Variants in STARD13 observed in about 807,000 individuals in gnomAD.
STARD13 encodes the protein stAR-related lipid transfer protein 13.
In STARD13, 62 loss-of-function variants were observed where a neutral mutation model predicts 106.4. The ratio of observed to expected loss-of-function variants is 0.58; its 90% CI spans 0.48 to 0.72. STARD13 has a LOEUF of 0.72. Among genes scored for constraint, STARD13 ranks in the 30% least tolerant of loss-of-function variants. The probability of loss-of-function intolerance (pLI) is 0.00; values close to 1 mark genes in which losing one functional copy is unlikely to be tolerated. For synonymous variants in STARD13, 565 were observed against 553.0 expected (o/e 1.02, Z -0.31); for missense variants, 1,387 against 1,424.0 (o/e 0.97, Z 0.42).
At chr13:33,540,181 T>C in the STARD13 span, among the ~76,000 whole-genome samples, 1 of 152,180 alleles carries the variant, frequency 6.6e-6, no homozygotes, top group Non-Finnish European at 1.5e-5. Context: ...ACCCTAAATA[T>C]ATTATGCACG....
At chr13:33,150,795 C>A (rs1881172426) in intron 3 of STARD13, among the ~76,000 whole-genome samples, 1 of 152,168 alleles carries the variant, frequency 6.6e-6, no homozygotes, top group Non-Finnish European at 1.5e-5. Flanking sequence ...TTGAGAAGGG[C>A]TAATACGCTA....
the STARD13 span, among the ~76,000 whole-genome samples, chr13:33,646,451 A>C: frequency 6.6e-6 from 1 of 152,092 alleles, no homozygotes; most frequent in African/African-American, 2.4e-5. Context: ...GAATACAAGG[A>C]CTCTGGGAAG....
rs747907853 is a variant in STARD13, at chr13:33,118,229, C to T, written c.2117G>A (p.Arg706Gln). Residue 706 changes from arginine (R) to glutamine (Q), a missense_variant, in exon 8 of 14, where the codon CGA (arginine) becomes CAA (glutamine). Arg to Gln is a conservative substitution (Grantham distance 43, BLOSUM62 1). Coordinates refer to ENST00000336934, the MANE Select transcript of STARD13 (RefSeq NM_178006.4). ...GLFRKSGVKSRIHALRQMNEN... is the reference protein window; with the variant it reads ...GLFRKSGVKSQIHALRQMNEN... ...ATTCATTTGGCGAAGGGCATGGATTCGAGACTTCACTCCTGATTTGCGAAA... is the reference window on the plus strand; with the variant it reads ...ATTCATTTGGCGAAGGGCATGGATTTGAGACTTCACTCCTGATTTGCGAAA... 1.7e-5 allele frequency: 27 copies of T among 1,614,096 alleles called. No individual in the cohort carries two copies. The highest frequency in any genetic ancestry group is 4.4e-5 in the South Asian group (4 of 91,070).
At chr13:33,629,642 T>C in the STARD13 span, among the ~76,000 whole-genome samples, 2 of 152,258 alleles carry the variant, frequency 1.3e-5, no homozygotes. Flanking sequence ...GTGAGAATTA[T>C]GTATGAGACT....
At chr13:33,187,699 T>C (rs1885899091) in intron 1 of STARD13, among the ~76,000 whole-genome samples, 1 of 152,312 alleles carries the variant, frequency 6.6e-6, no homozygotes, top group Admixed American at 6.5e-5. Context: ...TTTATTTTGT[T>C]TGTGAGATGG....
At chr13:33,562,281 G>A in the STARD13 span, among the ~76,000 whole-genome samples, 7 of 146,114 alleles carry the variant, frequency 4.8e-5, no homozygotes, top group Admixed American at 7.0e-5. Flanking sequence ...CTTTATGGCC[G>A]TGTCCTCAAA....
At chr13:33,468,650 C>G in the STARD13 span, among the ~76,000 whole-genome samples, 1 of 150,764 alleles carries the variant, frequency 6.6e-6, no homozygotes, top group Non-Finnish European at 1.5e-5. Flanking sequence ...CAAGAAGACT[C>G]TCACCAGATG....
At chr13:33,552,865 T>TA in the STARD13 span, among the ~76,000 whole-genome samples, 1 of 152,278 alleles carries the variant, frequency 6.6e-6, no homozygotes, top group East Asian at 1.9e-4. Flanking sequence ...TTTTCTGACT[T>TA]AAAATCATTC....
At chr13:33,647,651 T>C in the STARD13 span, among the ~76,000 whole-genome samples, 5 of 152,330 alleles carry the variant, frequency 3.3e-5, no homozygotes, top group Non-Finnish European at 7.3e-5. Flanking sequence ...GTTTGACATA[T>C]CTAGGTTGTT....
At chr13:33,412,024 C>G in the STARD13 span, among the ~76,000 whole-genome samples, 1 of 152,070 alleles carries the variant, frequency 6.6e-6, no homozygotes, top group African/African-American at 2.4e-5. Context: ...ATCATGTTAA[C>G]CAAAAATATG....
chr13:33,167,349 G>A (rs1476992883), intron 2 of STARD13, among the ~76,000 whole-genome samples: 1 of 152,170 alleles, frequency 6.6e-6, no homozygotes. Context: ...GAAGCAGAAA[G>A]TAAAGTGGGC....
the STARD13 span, among the ~76,000 whole-genome samples, chr13:33,411,010 T>A: frequency 1.3e-5 from 2 of 152,264 alleles, no homozygotes; most frequent in Non-Finnish European, 2.9e-5. Context: ...TTAAAGCAGT[T>A]TTTAAAAGAA....
At chr13:33,512,666 G>A in the STARD13 span, among the ~76,000 whole-genome samples, 2 of 151,886 alleles carry the variant, frequency 1.3e-5, no homozygotes, top group South Asian at 2.1e-4. Flanking sequence ...ATGGGGTTTC[G>A]CCATGTTGGG....
In STARD13 at chr13:33,103,196, AT is replaced by A. The variant is rs2138036474; in HGVS notation, c.*2396del. 6.5e-6 allele frequency: 1 copy of A among 152,732 alleles called. No individual in the cohort carries two copies. The highest frequency in any genetic ancestry group is 2.1e-4 in the South Asian group (1 of 4,832). 9.5% of individuals were successfully genotyped at this position (152,732 alleles called of 1,614,324 possible). On this transcript the variant is annotated 3_prime_UTR_variant, in exon 14 of 14. Transcript: ENST00000336934. Reference sequence around the variant, plus strand: ...AATTTATTTGCCTTGGCAATTATTTATTTACAATTGATGATTGATATCAACA... The same window carrying A: ...AATTTATTTGCCTTGGCAATTATTTATTACAATTGATGATTGATATCAACA...
At chr13:33,380,193 C>T in the STARD13 span, among the ~76,000 whole-genome samples, 1 of 152,072 alleles carries the variant, frequency 6.6e-6, no homozygotes, top group Admixed American at 6.6e-5. Flanking sequence ...CAAGACTAGC[C>T]TTACCAACGT....
At chr13:33,458,594 T>C in the STARD13 span, among the ~76,000 whole-genome samples, 1 of 152,104 alleles carries the variant, frequency 6.6e-6, no homozygotes, top group Non-Finnish European at 1.5e-5. Context: ...GATGATAACA[T>C]GTAGATTCAT....
At chr13:33,409,979 T>C in the STARD13 span, among the ~76,000 whole-genome samples, 1 of 152,268 alleles carries the variant, frequency 6.6e-6, no homozygotes, top group African/African-American at 2.4e-5. Context: ...CTTTGTTCTT[T>C]AGCAATCTCT....
chr13:33,368,833 C>G, the STARD13 span, among the ~76,000 whole-genome samples: 1 of 152,096 alleles, frequency 6.6e-6, no homozygotes, highest in African/African-American at 2.4e-5. Context: ...TGGGGTTAGG[C>G]AGGCAGGAGT....
chr13:33,587,169 T>C, the STARD13 span, among the ~76,000 whole-genome samples: 1 of 151,568 alleles, frequency 6.6e-6, no homozygotes, highest in Non-Finnish European at 1.5e-5. Flanking sequence ...TGAGCCAAGA[T>C]TGTGCCATTG....
Sources: allele counts gnomAD v4.1 joint callset (sites outside exome capture counted in the v4.1 genomes callset), GRCh38; gene constraint gnomAD v4.1.1; transcripts MANE v1.5; gene names NCBI Gene and HGNC (gene_info 2026-07-23, HGNC 2026-07-21).